BBS9: variants seen among roughly 807,000 people sequenced by gnomAD.
The protein encoded by BBS9 is Bardet-Biedl syndrome 9, also known as protein PTHB1.
In BBS9, 89 loss-of-function variants were observed where a neutral mutation model predicts 117.7. That is an observed-to-expected ratio of 0.76 (90% CI 0.64 to 0.90). BBS9 has a LOEUF of 0.90. Ranked by LOEUF, BBS9 falls within the 40% of genes least tolerant of loss-of-function variation. BBS9 has a pLI of 0.00. For missense variants in BBS9, 982 were observed against 1,042.2 expected (o/e 0.94, Z 0.80); for synonymous variants, 379 against 370.9 (o/e 1.02, Z -0.25).
At chr7:33,515,876 T>C (rs977128886) in intron 20 of BBS9, among the ~76,000 whole-genome samples, 2 of 152,250 alleles carry the variant, frequency 1.3e-5, no homozygotes, top group Non-Finnish European at 2.9e-5. Flanking sequence ...CATGAATGTT[T>C]GCCTCACTCA....
intron 21 of BBS9, among the ~76,000 whole-genome samples, chr7:33,598,174 G>A (rs1308336141): frequency 6.6e-6 from 1 of 151,428 alleles, no homozygotes; most frequent in Non-Finnish European, 1.5e-5. Flanking sequence ...TTTGATAGAG[G>A]AGAAGAGAAA....
chr7:33,429,207 G>T (rs1834072441), intron 19 of BBS9, among the ~76,000 whole-genome samples: 1 of 150,790 alleles, frequency 6.6e-6, no homozygotes. Flanking sequence ...ACCTCTATTT[G>T]TTGCTATATC....
At chr7:33,571,251 A>G (rs1258076449) in intron 21 of BBS9, among the ~76,000 whole-genome samples, 1 of 152,172 alleles carries the variant, frequency 6.6e-6, no homozygotes, top group Admixed American at 6.5e-5. Flanking sequence ...ACAGATATTT[A>G]GGATAAAGCT....
intron 15 of BBS9, among the ~76,000 whole-genome samples, chr7:33,356,184 T>C (rs915011176): frequency 6.6e-6 from 1 of 151,920 alleles, no homozygotes; most frequent in Admixed American, 6.6e-5. Context: ...TGAAATTTTC[T>C]CTACAGTTTA....
chr7:33,535,920 T>C (rs1267804756), intron 21 of BBS9, among the ~76,000 whole-genome samples: 2 of 152,156 alleles, frequency 1.3e-5, no homozygotes, highest in African/African-American at 2.4e-5. Flanking sequence ...GTCTGAGCTT[T>C]CCTGTTCAGG....
chr7:33,323,541 ATATAAG>A (rs1157616244), intron 9 of BBS9, among the ~76,000 whole-genome samples: 3 of 151,812 alleles, frequency 2.0e-5, no homozygotes, highest in Non-Finnish European at 4.4e-5. Flanking sequence ...ATTTTGTCTG[ATATAAG>A]TATAGCTACT....
At chr7:33,350,523 T>C (rs1285403150) in intron 13 of BBS9, among the ~76,000 whole-genome samples, 2 of 152,236 alleles carry the variant, frequency 1.3e-5, no homozygotes. Flanking sequence ...GGCTACTGTG[T>C]AACACTCCTC....
Position 33,273,863 on chromosome 7 carries a change from A to G in BBS9, c.923A>G (p.His308Arg), listed in dbSNP as rs1357961739. The part of the protein sequence containing the change: ...EGTINTLIGN[H>R]NNMLHIYQDV... Reference sequence around the variant, plus strand: ...ACAATAAATACTTTGATTGGAAATCATAATAACATGCTGCATATTTATCAA... The same window carrying G: ...ACAATAAATACTTTGATTGGAAATCGTAATAACATGCTGCATATTTATCAA... The change falls in exon 9 of 23, where the codon CAT becomes CGT. Residue 308 changes from histidine to arginine, a missense_variant. Physicochemically the swap from His to Arg is conservative, Grantham distance 29 (BLOSUM62 0). Coordinates refer to ENST00000242067, the MANE Select transcript of BBS9 (RefSeq NM_198428.3). 2 of 1,610,406 alleles carry G rather than the reference A, an allele frequency of 1.2e-6. No individual in the cohort carries two copies. The highest frequency in any genetic ancestry group is 1.7e-6 in the Non-Finnish European group (2 of 1,176,920).
At chr7:33,291,040 G>A (rs1161023399) in intron 9 of BBS9, among the ~76,000 whole-genome samples, 1 of 152,010 alleles carries the variant, frequency 6.6e-6, no homozygotes, top group Non-Finnish European at 1.5e-5. Context: ...GCAAAATAAA[G>A]TTCTCCTTAA....
At chr7:33,258,561 T>C (rs1797460579) in intron 6 of BBS9, among the ~76,000 whole-genome samples, 1 of 152,188 alleles carries the variant, frequency 6.6e-6, no homozygotes. Flanking sequence ...GATGATTGAA[T>C]GGTGGCATTG....
intron 4 of BBS9, among the ~76,000 whole-genome samples, chr7:33,159,549 A>G (rs890576551): frequency 2.0e-5 from 3 of 152,192 alleles, no homozygotes; most frequent in Non-Finnish European, 1.5e-5. Flanking sequence ...AGTCCAAAAC[A>G]ATGGCCTTCC....
intron 21 of BBS9, among the ~76,000 whole-genome samples, chr7:33,561,755 T>C (rs145116653): frequency 3.6e-4 from 55 of 152,228 alleles, no homozygotes; most frequent in African/African-American, 1.1e-3. Flanking sequence ...GAAAAATGCT[T>C]TAATTTGTGA....
At position 33,408,859 on chromosome 7, in the gene BBS9, C is replaced by T. The variant is rs193276531; in HGVS notation, c.2115+20715C>T. ...AAGTGTTCCCTTTTCTCTGCAGTCTCACAAGTATCTGTTATTTTTTGACTT... is the reference window on the plus strand; with the variant it reads ...AAGTGTTCCCTTTTCTCTGCAGTCTTACAAGTATCTGTTATTTTTTGACTT... On this transcript the variant is annotated intron_variant, in intron 19 of 22. Transcript: ENST00000242067. 3.3e-3 allele frequency among the ~76,000 whole-genome samples: 505 copies of T among 152,300 alleles called. 2 individuals are homozygous for T. The highest frequency in any genetic ancestry group is 0.012 in the African/African-American group (486 of 41,560).
chr7:33,379,368 T>G (rs995821591), intron 17 of BBS9, among the ~76,000 whole-genome samples: 1 of 152,176 alleles, frequency 6.6e-6, no homozygotes, highest in Non-Finnish European at 1.5e-5. Flanking sequence ...TCACTGAAAA[T>G]TTATAGTTGA....
At chr7:33,153,310 C>T (rs1213480889) in intron 3 of BBS9, among the ~76,000 whole-genome samples, 1 of 152,180 alleles carries the variant, frequency 6.6e-6, no homozygotes, top group Admixed American at 6.5e-5. Flanking sequence ...CAAAGTAAGT[C>T]TTCCCCCTAC....
rs533334690 is a variant in BBS9 at position 33,557,901 on chromosome 7, A to G, written c.2521+23725A>G. Among the ~76,000 whole-genome samples the G allele has an allele frequency of 4.5e-4, 69 of 152,294 alleles. 1 individual carries two copies. The highest frequency in any genetic ancestry group is 8.7e-4 in the Non-Finnish European group (59 of 68,014). The stretch of plus-strand genomic sequence containing the variant: ...AGGATCCTTATCTTAGTGAGAGTCT[A>G]TGTTGTAATCCTTACCACCACCATC... On this transcript the variant is annotated intron_variant, in intron 21 of 22. Transcript: ENST00000242067.
intron 5 of BBS9, 110 bp downstream of exon 5, chr7:33,177,701 A>G: frequency 1.2e-6 from 1 of 821,100 alleles, no homozygotes; most frequent in Non-Finnish European, 2.0e-6. Flanking sequence ...GTTAAAATAG[A>G]CATTTTATTG....
intron 4 of BBS9, among the ~76,000 whole-genome samples, chr7:33,165,823 A>C (rs576590530): frequency 2.6e-4 from 39 of 152,266 alleles, no homozygotes; most frequent in African/African-American, 9.1e-4. Context: ...CGACCTTCTG[A>C]AGCCTACTTC....
chr7:33,319,613 T>TCC (rs1269443535), intron 9 of BBS9, among the ~76,000 whole-genome samples: 1 of 152,216 alleles, frequency 6.6e-6, no homozygotes, highest in Non-Finnish European at 1.5e-5. Context: ...ACATTGTGGT[T>TCC]TTGATTTGCA....
Sources: allele counts gnomAD v4.1 joint callset (sites outside exome capture counted in the v4.1 genomes callset), GRCh38; gene constraint gnomAD v4.1.1; transcripts MANE v1.5; gene names NCBI Gene and HGNC (gene_info 2026-07-23, HGNC 2026-07-21).